Variants in SAAL1 observed in about 807,000 individuals in gnomAD.
SAAL1 encodes protein SAAL1.
SAAL1 carries 42 observed loss-of-function variants against 59.8 expected under a neutral mutation model. That is an observed-to-expected ratio of 0.70 (90% CI 0.55 to 0.91). SAAL1 has a LOEUF of 0.91. Among genes scored for constraint, SAAL1 ranks in the 40% least tolerant of loss-of-function variants. SAAL1 has a pLI of 0.00. For missense variants in SAAL1, 542 were observed against 561.1 expected (o/e 0.97, Z 0.34); for synonymous variants, 191 against 194.3 (o/e 0.98, Z 0.14).
chr11:18,093,347 T>C lies in SAAL1; in HGVS notation c.334-1023A>G, dbSNP rs1848541658. Among the ~76,000 whole-genome samples the C allele has an allele frequency of 3.3e-5, 5 of 152,116 alleles. No homozygotes were observed. In the South Asian group the frequency reaches 1.0e-3, roughly 32 times the overall value. ...AAATGTATGCTGAGGTTGCTTAGGA[T>C]CTCTAAGAACAAATCTATCCATGAA... is the stretch of plus-strand genomic sequence containing the variant. On this transcript the variant is annotated intron_variant, in intron 3 of 11. Coordinates refer to ENST00000524803, the MANE Select transcript of SAAL1 (RefSeq NM_138421.3).
rs1342882052 is a variant in SAAL1 at position 18,080,538 on chromosome 11, C to T, written c.1333-47G>A. ...AAAAATCAAACACAGAAGAGAAAAA[C>T]GTGCTTTAAGGTACTGATTGCTCTA... On this transcript the variant is annotated intron_variant, in intron 11 of 11. Coordinates refer to ENST00000524803, the MANE Select transcript of SAAL1 (RefSeq NM_138421.3). The T allele has an allele frequency of 1.4e-5, 19 of 1,361,952 alleles. No homozygotes were observed. The Middle Eastern group carries it at 7.3e-4, about 52-fold the overall frequency. 84.4% of individuals were successfully genotyped at this position (1,361,952 alleles called of 1,614,324 possible). A position where few individuals can be genotyped will look rare whatever the true frequency, so the allele number is the denominator to read the frequency against.
At chr11:18,090,042 T>C (rs2134058841) in intron 6 of SAAL1, 133 bp downstream of exon 6, 3 of 828,716 alleles carry the variant, frequency 3.6e-6, no homozygotes, top group East Asian at 2.8e-5. Context: ...AGCAAGATTC[T>C]GTCTCAAACA....
chr11:18,090,037 G>T, intron 6 of SAAL1, 138 bp downstream of exon 6: 1 of 800,542 alleles, frequency 1.2e-6, no homozygotes, highest in South Asian at 2.0e-5. Context: ...GACAGAGCAA[G>T]ATTCTGTCTC....
chr11:18,096,739 A>G (rs1848580711), intron 3 of SAAL1, 32 bp downstream of exon 3: 1 of 1,130,694 alleles, frequency 8.8e-7, no homozygotes, highest in Admixed American at 1.7e-5. Flanking sequence ...TATTGCTTCA[A>G]AGAAGAAGGC....
intron 2 of SAAL1, 89 bp from the exon 3 acceptor site, chr11:18,096,943 T>TA: frequency 4.0e-6 from 3 of 740,938 alleles, no homozygotes; most frequent in Non-Finnish European, 6.8e-6. Context: ...TATATTAAAA[T>TA]TAGAATTTTA....
chr11:18,102,687 A>G (rs1848647441), intron 2 of SAAL1, among the ~76,000 whole-genome samples: 2 of 152,194 alleles, frequency 1.3e-5, no homozygotes, highest in South Asian at 4.1e-4. Flanking sequence ...AGGTCATTTA[A>G]TGTCTTTTGG....
intron 1 of SAAL1, 42 bp from the exon 2 acceptor site, chr11:18,103,388 T>C (rs1848654436): frequency 7.1e-7 from 1 of 1,409,134 alleles, no homozygotes; most frequent in African/African-American, 1.4e-5. Context: ...AAAAGTTGTC[T>C]ACAATACTAA....
Position 18,096,857 on chromosome 11 carries a change from G to A in SAAL1, c.250-3C>T. On this transcript the variant is annotated splice_region_variant and splice_polypyrimidine_tract_variant and intron_variant, in intron 2 of 11. Transcript: ENST00000524803. ...TCTTGGAGAAATAAAGCCACGTCCT[G>A]AAAAGAAAAATGATTATTAACTTGG... 1 of 1,511,328 alleles carries A rather than the reference G, an allele frequency of 6.6e-7. No homozygotes were observed. 93.6% of individuals were successfully genotyped at this position (1,511,328 alleles called of 1,614,324 possible).
At chr11:18,104,905 C>T (rs1848671783) in intron 1 of SAAL1, among the ~76,000 whole-genome samples, 2 of 152,074 alleles carry the variant, frequency 1.3e-5, no homozygotes, top group Admixed American at 6.5e-5. Flanking sequence ...ATTATTCTGG[C>T]AGCTGTGTAG....
intron 1 of SAAL1, among the ~76,000 whole-genome samples, chr11:18,103,724 G>T (rs953308122): frequency 2.6e-5 from 4 of 152,196 alleles, no homozygotes; most frequent in Non-Finnish European, 5.9e-5. Flanking sequence ...CTGAACCAGA[G>T]CAAGTGGGTT....
Position 18,096,865 on chromosome 11 carries a change from A to C in SAAL1, c.250-11T>G, listed in dbSNP as rs376370948. 176 of 1,392,550 alleles carry C rather than the reference A, an allele frequency of 1.3e-4. No individual in the cohort carries two copies. The highest frequency in any genetic ancestry group is 1.7e-4 in the Non-Finnish European group (167 of 987,560). 86.3% of individuals were successfully genotyped at this position (1,392,550 alleles called of 1,614,324 possible). On this transcript the variant is annotated splice_polypyrimidine_tract_variant and intron_variant, in intron 2 of 11. Coordinates refer to ENST00000524803, the MANE Select transcript of SAAL1 (RefSeq NM_138421.3). ...AAATAAAGCCACGTCCTGAAAAGAA[A>C]AATGATTATTAACTTGGATGTTGAA...
At chr11:18,084,764 A>AT (rs1444519566) in intron 9 of SAAL1, among the ~76,000 whole-genome samples, 1 of 152,168 alleles carries the variant, frequency 6.6e-6, no homozygotes, top group Non-Finnish European at 1.5e-5. Flanking sequence ...GGTAAGACAT[A>AT]TATCTGTTTT....
Position 18,105,986 on chromosome 11 carries a change from T to A in SAAL1, c.56A>T (p.Glu19Val), listed in dbSNP as rs1177519786. ...PPGRDKEEEE[E>V]VAGGDCIGST... ...CCCTATGCAGTCTCCACCGGCCACCTCCTCCTCCTCCTCCTTGTCGCGACC... is the reference window on the plus strand; with the variant it reads ...CCCTATGCAGTCTCCACCGGCCACCACCTCCTCCTCCTCCTTGTCGCGACC... Residue 19 changes from glutamate (E) to valine (V), a missense_variant, in exon 1 of 12, where the codon GAG becomes GTG. Transcript: ENST00000524803. 4 of 1,497,606 alleles carry A rather than the reference T, an allele frequency of 2.7e-6. No homozygotes were observed. Among genetic ancestry groups the A allele is most frequent in the South Asian group, 1.2e-5 (1 of 80,244 alleles). The allele number at this position is 1,497,606 out of a possible 1,614,324, so 92.8% of individuals were successfully genotyped here.
At chr11:18,093,269 C>T (rs1452786911) in intron 3 of SAAL1, among the ~76,000 whole-genome samples, 1 of 152,142 alleles carries the variant, frequency 6.6e-6, no homozygotes, top group Non-Finnish European at 1.5e-5. Context: ...CCATTAAGTG[C>T]TTTCTTTACA....
At chr11:18,089,107 C>G (rs1396166765) in intron 7 of SAAL1, among the ~76,000 whole-genome samples, 1 of 152,118 alleles carries the variant, frequency 6.6e-6, no homozygotes, top group Admixed American at 6.5e-5. Context: ...AAGACAGAAA[C>G]CACAGTTAAT....
chr11:18,081,384 C>A, intron 11 of SAAL1, 27 bp downstream of exon 11: 4 of 1,500,564 alleles, frequency 2.7e-6, no homozygotes, highest in African/African-American at 1.4e-5. Flanking sequence ...AAAACTTGGC[C>A]ACCTATATAC....
At chr11:18,085,242 T>C (rs1848451313) in intron 9 of SAAL1, among the ~76,000 whole-genome samples, 1 of 152,130 alleles carries the variant, frequency 6.6e-6, no homozygotes, top group African/African-American at 2.4e-5. Flanking sequence ...TGATAAAATA[T>C]ATCTAACTTA....
intron 2 of SAAL1, among the ~76,000 whole-genome samples, chr11:18,102,306 GC>G (rs1224584959): frequency 6.6e-6 from 1 of 151,774 alleles, no homozygotes; most frequent in East Asian, 1.9e-4. Flanking sequence ...GGACGCTATG[GC>G]AGGAGAATCA....
chr11:18,099,711 C>T (rs143129509), intron 2 of SAAL1, among the ~76,000 whole-genome samples: 1 of 124,250 alleles, frequency 8.0e-6, no homozygotes, highest in Admixed American at 7.4e-5. Flanking sequence ...GGTGGCATCA[C>T]AGAGGAGGTG....
Sources: allele counts gnomAD v4.1 joint callset (sites outside exome capture counted in the v4.1 genomes callset), GRCh38; gene constraint gnomAD v4.1.1; transcripts MANE v1.5; gene names NCBI Gene and HGNC (gene_info 2026-07-23, HGNC 2026-07-21).